Variants in RCHY1 observed in about 807,000 individuals in gnomAD.
The protein encoded by RCHY1 is ring finger and CHY zinc finger domain containing 1.
In RCHY1, 21 loss-of-function variants were observed where a neutral mutation model predicts 41.6. The ratio of observed to expected loss-of-function variants is 0.51; its 90% CI spans 0.36 to 0.73. RCHY1 has a LOEUF of 0.73. Among genes scored for constraint, RCHY1 ranks in the 30% least tolerant of loss-of-function variants. The pLI, the probability that RCHY1 is intolerant of heterozygous loss-of-function variation, is 0.00. For missense variants in RCHY1, 265 were observed against 325.3 expected, an observed-to-expected ratio of 0.81 and a Z score of 1.43; for synonymous variants, 79 against 102.9, an observed-to-expected ratio of 0.77 and a Z score of 1.41.
chr4:75,483,823 T>C (rs1196936359), intron 8 of RCHY1, among the ~76,000 whole-genome samples: 1 of 152,180 alleles, frequency 6.6e-6, no homozygotes, highest in African/African-American at 2.4e-5. Flanking sequence ...TATCTGAAGA[T>C]GTTCAGAAAA....
At chr4:75,491,362 G>GA (rs1305420356) in intron 7 of RCHY1, 73 of 359,392 alleles carry the variant, frequency 2.0e-4, no homozygotes, top group Middle Eastern at 7.5e-4. Context: ...TATATGGCCA[G>GA]AAAAAAAAGA....
intron 3 of RCHY1, among the ~76,000 whole-genome samples, chr4:75,506,441 GA>G (rs575790776): frequency 2.3e-4 from 35 of 150,970 alleles, no homozygotes; most frequent in African/African-American, 7.5e-4. Flanking sequence ...TACATTCAAA[GA>G]AAAAAAAGGT....
chr4:75,487,564 T>C (rs1189005774), intron 8 of RCHY1, among the ~76,000 whole-genome samples: 2 of 94,596 alleles, frequency 2.1e-5, no homozygotes, highest in South Asian at 3.2e-4. Context: ...AATATATTCA[T>C]AATATATATA....
At chr4:75,489,809 G>A (rs1722588159) in intron 8 of RCHY1, among the ~76,000 whole-genome samples, 1 of 152,128 alleles carries the variant, frequency 6.6e-6, no homozygotes, top group African/African-American at 2.4e-5. Flanking sequence ...CTGGAGACTG[G>A]GTCTCTGAGA....
chr4:75,490,722 A>G, intron 7 of RCHY1, 21 bp from the exon 8 acceptor site: 1 of 1,579,526 alleles, frequency 6.3e-7, no homozygotes, highest in Non-Finnish European at 8.7e-7. Context: ...TAGAAAGGTT[A>G]TTTTCCAAAT....
chr4:75,494,087 A>C lies in RCHY1; in HGVS notation c.405+14T>G. 1 of 1,420,348 alleles carries C rather than the reference A, an allele frequency of 7.0e-7. No homozygotes were observed. Among genetic ancestry groups the C allele is most frequent in the Non-Finnish European group, 9.6e-7 (1 of 1,043,744 alleles). The allele number at this position is 1,420,348 out of a possible 1,614,324, so 88.0% of individuals were successfully genotyped here. A position where few individuals can be genotyped will look rare whatever the true frequency, so the allele number is the denominator to read the frequency against. On this transcript the variant is annotated intron_variant, in intron 4 of 8. Coordinates refer to ENST00000324439, the MANE Select transcript of RCHY1 (RefSeq NM_015436.4). ...CTGTAATATTTTTAAAATTATACAA[A>C]CTAAATTATATACCTTGTGTCTTCC...
intron 8 of RCHY1, among the ~76,000 whole-genome samples, chr4:75,486,097 C>G (rs908962462): frequency 5.3e-5 from 8 of 152,124 alleles, no homozygotes; most frequent in African/African-American, 1.9e-4. Context: ...TGCCTCCTGG[C>G]TATTCTAGGA....
chr4:75,483,396 A>G (rs1026896217), intron 8 of RCHY1, among the ~76,000 whole-genome samples: 1 of 152,208 alleles, frequency 6.6e-6, no homozygotes, highest in Admixed American at 6.5e-5. Context: ...TTTAAAAAAT[A>G]TGATCTAAAT....
intron 3 of RCHY1, among the ~76,000 whole-genome samples, chr4:75,497,178 G>A (rs1313400078): frequency 9.2e-5 from 14 of 152,024 alleles, no homozygotes; most frequent in South Asian, 4.1e-4. Flanking sequence ...TTTTTAAAAC[G>A]ACAGAGCATG....
In RCHY1 at chr4:75,490,641, C is replaced by T; in HGVS notation, c.597G>A (p.Gln199=). Residue 199 remains glutamine (Q), a synonymous_variant, in exon 8 of 9, where the codon CAG becomes CAA. Transcript: ENST00000324439. ...GAGTCTGTGCTACTTCATCATCCAG[C>T]TGTCTCCAATACCTGGTCATATCTA... ...SALDMTRYWR[Q]LDDEVAQTPM... 1 of 1,609,838 alleles carries T rather than the reference C, an allele frequency of 6.2e-7. No individual in the cohort carries two copies. Among genetic ancestry groups the T allele is most frequent in the Non-Finnish European group, 8.5e-7 (1 of 1,176,330 alleles).
chr4:75,490,498 T>TA (rs1722651199), intron 8 of RCHY1, 83 bp downstream of exon 8: 2 of 1,053,312 alleles, frequency 1.9e-6, no homozygotes, highest in Non-Finnish European at 2.8e-6. Context: ...TATATATTTT[T>TA]TTTTTGGCAA....
chr4:75,502,267 G>A (rs1195347333), intron 3 of RCHY1, among the ~76,000 whole-genome samples: 1 of 152,124 alleles, frequency 6.6e-6, no homozygotes, highest in African/African-American at 2.4e-5. Flanking sequence ...AAGGCCAGCT[G>A]CGGTGGCTCA....
chr4:75,501,598 T>C (rs945777094), intron 3 of RCHY1, among the ~76,000 whole-genome samples: 46 of 152,220 alleles, frequency 3.0e-4, no homozygotes, highest in African/African-American at 1.0e-3. Context: ...TATTTGTCTA[T>C]AACGTGAGTC....
intron 3 of RCHY1, among the ~76,000 whole-genome samples, chr4:75,496,755 A>C (rs978916969): frequency 2.6e-5 from 4 of 152,138 alleles, no homozygotes; most frequent in Non-Finnish European, 5.9e-5. Flanking sequence ...CCCAAAATAA[A>C]GCTCAAGAAG....
At chr4:75,511,062 G>A (rs1031881749) in intron 1 of RCHY1, among the ~76,000 whole-genome samples, 4 of 152,230 alleles carry the variant, frequency 2.6e-5, no homozygotes, top group Non-Finnish European at 5.9e-5. Context: ...TCGTATCAAG[G>A]AATATGATTG....
chr4:75,494,247 T>A, intron 3 of RCHY1, 68 bp from the exon 4 acceptor site: 1 of 1,131,576 alleles, frequency 8.8e-7, no homozygotes, highest in Non-Finnish European at 1.3e-6. Flanking sequence ...GTTCATTATG[T>A]AAAACACAAG....
At chr4:75,512,356 A>G (rs1724975600) in intron 1 of RCHY1, among the ~76,000 whole-genome samples, 1 of 152,176 alleles carries the variant, frequency 6.6e-6, no homozygotes, top group East Asian at 1.9e-4. Flanking sequence ...CAGGCCTGAA[A>G]AGAACATCCT....
At chr4:75,483,954 T>G (rs1232929090) in intron 8 of RCHY1, among the ~76,000 whole-genome samples, 1 of 152,196 alleles carries the variant, frequency 6.6e-6, no homozygotes, top group Non-Finnish European at 1.5e-5. Flanking sequence ...CGAAAAAAGA[T>G]GATCACTCTC....
At chr4:75,509,102 T>C (rs1425093541) in intron 2 of RCHY1, 75 bp downstream of exon 2, 29 of 1,393,312 alleles carry the variant, frequency 2.1e-5, no homozygotes, top group Non-Finnish European at 2.7e-5. Context: ...TTATTTATGA[T>C]ACTTTTGATT....
Sources: gnomAD v4.1 joint callset for allele counts (sites outside exome capture counted in the v4.1 genomes callset) on GRCh38, gnomAD v4.1.1 for gene constraint, MANE v1.5 for transcripts, NCBI Gene and HGNC (gene_info 2026-07-23, HGNC 2026-07-21) for gene names.